Variants in SH3KBP1 observed in about 807,000 individuals in gnomAD.
SH3KBP1 encodes SH3 domain-containing kinase-binding protein 1.
A neutral mutation model predicts 50.1 loss-of-function variants in SH3KBP1; 8 were observed. The ratio of observed to expected loss-of-function variants is 0.16; its 90% CI spans 0.09 to 0.29. SH3KBP1 has a LOEUF of 0.29. SH3KBP1 is among the 10% of genes least tolerant of loss of function. SH3KBP1 has a pLI of 1.00. For missense variants in SH3KBP1, 377 were observed against 535.2 expected (o/e 0.70, Z 2.92); for synonymous variants, 227 against 218.6 (o/e 1.04, Z -0.34).
chrX:19,535,878 G>C lies in SH3KBP1; in HGVS notation c.*539C>G, dbSNP rs1457115455. The stretch of plus-strand genomic sequence containing the variant: ...TAGGGTGGTGGGGTTTGCTGGCAGG[G>C]AAAGGGACAGGTTGAACCTACAATT... On this transcript the variant is annotated 3_prime_UTR_variant, in exon 18 of 18. Transcript: ENST00000397821. The C allele has an allele frequency of 9.0e-6, 1 of 110,999 alleles. No individual in the cohort carries two copies. The highest frequency in any genetic ancestry group is 9.7e-5 in the Admixed American group (1 of 10,299). The allele number at this position is 110,999 out of a possible 1,213,427, so 9.1% of individuals were successfully genotyped here.
At chrX:19,606,881 G>C (rs1412300512) in intron 9 of SH3KBP1, among the ~76,000 whole-genome samples, 2 of 111,894 alleles carry the variant, frequency 1.8e-5, no homozygotes, top group Non-Finnish European at 3.8e-5. Flanking sequence ...GAGAACAACA[G>C]GTGTGGAACA....
chrX:19,811,213 T>C (rs2067196735), intron 2 of SH3KBP1, among the ~76,000 whole-genome samples: 2 of 111,231 alleles, frequency 1.8e-5, no homozygotes, highest in Non-Finnish European at 3.8e-5. Context: ...CAAAAAAAGA[T>C]TGAATCATGA....
At chrX:19,543,452 C>G (rs1011001239) in intron 15 of SH3KBP1, among the ~76,000 whole-genome samples, 1 of 111,373 alleles carries the variant, frequency 9.0e-6, no homozygotes, top group Non-Finnish European at 1.9e-5. Context: ...TGGTTGCATG[C>G]GTGGGTGAAG....
At chrX:19,640,233 G>A (rs1034399255) in intron 7 of SH3KBP1, among the ~76,000 whole-genome samples, 3 of 111,549 alleles carry the variant, frequency 2.7e-5, no homozygotes, top group East Asian at 2.8e-4. Flanking sequence ...GCCTGAAGGC[G>A]CTAAGCCACT....
intron 7 of SH3KBP1, among the ~76,000 whole-genome samples, chrX:19,642,016 A>AT (rs1395922117): frequency 9.1e-6 from 1 of 109,366 alleles, no homozygotes; most frequent in Non-Finnish European, 1.9e-5. Context: ...AATTTTTTCT[A>AT]TTTTTTGTAG....
intron 1 of SH3KBP1, among the ~76,000 whole-genome samples, chrX:19,881,903 C>T (rs2069445187): frequency 9.0e-6 from 1 of 111,326 alleles, no homozygotes; most frequent in Admixed American, 9.6e-5. Flanking sequence ...GGCCTGAGAC[C>T]ATGTACTTCG....
intron 3 of SH3KBP1, among the ~76,000 whole-genome samples, chrX:19,741,342 C>T (rs754114643): frequency 8.9e-6 from 1 of 111,934 alleles, no homozygotes; most frequent in Non-Finnish European, 1.9e-5. Context: ...TCTTTTAAAC[C>T]GTCAGATCTT....
In SH3KBP1 at chrX:19,535,086, C is replaced by T. The variant is rs2064673581; in HGVS notation, c.*1331G>A. On this transcript the variant is annotated 3_prime_UTR_variant, in exon 18 of 18. Transcript: ENST00000397821. ...GGGACCACCCCCTCCACCCCTACCC[C>T]TGAACAGTCTCGCAATACAGTAGGC... The T allele has an allele frequency of 3.4e-6, 1 of 295,609 alleles. No individual in the cohort carries two copies. The highest frequency in any genetic ancestry group is 5.9e-6 in the Non-Finnish European group (1 of 169,966). 24.4% of individuals were successfully genotyped at this position (295,609 alleles called of 1,213,427 possible).
chrX:19,805,009 T>C (rs1238515672), intron 2 of SH3KBP1, among the ~76,000 whole-genome samples: 2 of 107,515 alleles, frequency 1.9e-5, no homozygotes, highest in African/African-American at 7.0e-5. Context: ...CTAGGGTTTT[T>C]GTTTTTTGTT....
chrX:19,612,627 T>C (rs1368163010), intron 8 of SH3KBP1, among the ~76,000 whole-genome samples: 2 of 111,461 alleles, frequency 1.8e-5, no homozygotes. Context: ...TAGAATCACC[T>C]GGGAATTTTA....
intron 12 of SH3KBP1, among the ~76,000 whole-genome samples, chrX:19,575,758 A>G (rs1388674088): frequency 1.8e-5 from 2 of 112,096 alleles, no homozygotes; most frequent in Non-Finnish European, 3.8e-5. Context: ...AATGCCTTTC[A>G]CTGTATTTAT....
intron 14 of SH3KBP1, among the ~76,000 whole-genome samples, chrX:19,546,603 A>C (rs2065090738): frequency 8.9e-6 from 1 of 112,143 alleles, no homozygotes; most frequent in African/African-American, 3.2e-5. Context: ...TCCAGGGATA[A>C]GGGCTCACCA....
chrX:19,787,692 A>T (rs761685298), intron 2 of SH3KBP1, among the ~76,000 whole-genome samples: 1 of 111,839 alleles, frequency 8.9e-6, no homozygotes, highest in South Asian at 3.8e-4. Context: ...GGTGGAGAGG[A>T]GTTCTCTCAC....
At position 19,760,041 on chromosome X, in the gene SH3KBP1, C is replaced by CCTCTCTCTCTCT. The variant is rs745515349; in HGVS notation, c.163-13612_163-13601dup. On this transcript the variant is annotated intron_variant, in intron 2 of 17. Transcript: ENST00000397821. ...TCTCTCTCCTCTCTCTCTCTCTCTC[C>CCTCTCTCTCTCT]CTCTCTCTCTCTCTCTCTCTCTCTC... Among the ~76,000 whole-genome samples the CCTCTCTCTCTCT allele has an allele frequency of 6.6e-3, 333 of 50,422 alleles. 6 individuals carry two copies. Among genetic ancestry groups the CCTCTCTCTCTCT allele is most frequent in the Non-Finnish European group, 9.0e-3 (254 of 28,084 alleles). The allele number at this position is 50,422 out of a possible 115,157, so 43.8% of individuals were successfully genotyped here.
intron 1 of SH3KBP1, among the ~76,000 whole-genome samples, chrX:19,836,526 C>T (rs914984574): frequency 1.8e-5 from 2 of 111,646 alleles, no homozygotes; most frequent in Admixed American, 1.9e-4. Context: ...GGCCAGCAGG[C>T]GCTTCAGAGG....
chrX:19,836,331 G>A (rs1027735849), intron 1 of SH3KBP1, 49 bp from the exon 2 acceptor site: 1 of 1,077,922 alleles, frequency 9.3e-7, no homozygotes, highest in Admixed American at 2.2e-5. Context: ...TGTTGGAGAA[G>A]GCTGAGGTCC....
At chrX:19,555,688 C>T (rs760426241) in intron 13 of SH3KBP1, among the ~76,000 whole-genome samples, 8 of 111,945 alleles carry the variant, frequency 7.1e-5, no homozygotes, top group Non-Finnish European at 1.3e-4. Context: ...TTATTAAGGC[C>T]GCTGAATTTC....
At chrX:19,608,890 C>T (rs918311806) in intron 8 of SH3KBP1, among the ~76,000 whole-genome samples, 3 of 112,390 alleles carry the variant, frequency 2.7e-5, no homozygotes, top group African/African-American at 9.7e-5. Context: ...TCCCTTCCTC[C>T]ACTTTACAGG....
chrX:19,846,443 G>A (rs1366417764), intron 1 of SH3KBP1, among the ~76,000 whole-genome samples: 2 of 112,300 alleles, frequency 1.8e-5, no homozygotes, highest in Non-Finnish European at 3.8e-5. Context: ...AAAGTATGCT[G>A]CTTTATATAA....
Sources: allele counts gnomAD v4.1 joint callset (sites outside exome capture counted in the v4.1 genomes callset), GRCh38; gene constraint gnomAD v4.1.1; transcripts MANE v1.5; gene names NCBI Gene and HGNC (gene_info 2026-07-23, HGNC 2026-07-21).